The following FOXP2 variants were observed in gnomAD, a reference collection of about 807,000 sequenced individuals.
The protein encoded by FOXP2 is forkhead box P2.
In FOXP2, 12 loss-of-function variants were observed where a neutral mutation model predicts 115.8. The ratio of observed to expected loss-of-function variants is 0.10; its 90% CI spans 0.07 to 0.17. The LOEUF (loss-of-function observed/expected upper bound fraction) is 0.17. FOXP2 is among the 10% of genes least tolerant of loss of function. The probability of loss-of-function intolerance (pLI) is 1.00; values close to 1 mark genes in which losing one functional copy is unlikely to be tolerated. For synonymous variants in FOXP2, 328 were observed against 297.7 expected, an observed-to-expected ratio of 1.10 and a Z score of -1.05; for missense variants, 629 against 843.5, an observed-to-expected ratio of 0.75 and a Z score of 3.15.
intron 2 of FOXP2, among the ~76,000 whole-genome samples, chr7:114,507,347 C>T (rs1021750384): frequency 6.6e-6 from 1 of 151,796 alleles, no homozygotes; most frequent in Non-Finnish European, 1.5e-5. Context: ...GTTGCAATGA[C>T]AACTACTTAT....
chr7:114,359,508 G>A (rs1346175804), intron 2 of FOXP2, among the ~76,000 whole-genome samples: 2 of 152,176 alleles, frequency 1.3e-5, no homozygotes, highest in Admixed American at 6.5e-5. Context: ...TGTACCATGG[G>A]CCTGGAAAAG....
intron 1 of FOXP2, among the ~76,000 whole-genome samples, chr7:114,102,578 C>A (rs71571195): frequency 0.013 from 2,025 of 151,032 alleles, 22 homozygotes; most frequent in Non-Finnish European, 0.021. Context: ...GATTTTTATT[C>A]AACCATTTAA....
chr7:114,129,273 G>A (rs1791807535), intron 1 of FOXP2, among the ~76,000 whole-genome samples: 2 of 152,178 alleles, frequency 1.3e-5, no homozygotes, highest in South Asian at 4.1e-4. Context: ...TTAACTGCAA[G>A]TTCTGTGTTT....
At chr7:114,674,714 ATCTT>A (rs374562080) in intron 16 of FOXP2, among the ~76,000 whole-genome samples, 27 of 152,282 alleles carry the variant, frequency 1.8e-4, no homozygotes, top group African/African-American at 6.3e-4. Context: ...TTAATTGGAC[ATCTT>A]TCTTATTCAG....
intron 2 of FOXP2, among the ~76,000 whole-genome samples, chr7:114,337,124 G>C (rs1340643731): frequency 6.6e-6 from 1 of 151,492 alleles, no homozygotes; most frequent in Non-Finnish European, 1.5e-5. Flanking sequence ...TTGCACAAAG[G>C]CTGGCTTTTA....
chr7:114,492,662 G>T (rs559374362), intron 2 of FOXP2, among the ~76,000 whole-genome samples: 70 of 152,056 alleles, frequency 4.6e-4, no homozygotes, highest in Non-Finnish European at 9.6e-4. Context: ...CCTTCATTTC[G>T]TTATGTACCC....
intron 1 of FOXP2, among the ~76,000 whole-genome samples, chr7:114,146,498 T>C (rs1409987094): frequency 6.6e-6 from 1 of 152,020 alleles, no homozygotes; most frequent in African/African-American, 2.4e-5. Flanking sequence ...AATGGTAGAT[T>C]GAGGAGGATG....
rs531985252 is a variant in FOXP2, at chr7:114,220,059, C to T, written c.-102+56971C>T. 7.6e-4 allele frequency among the ~76,000 whole-genome samples: 112 copies of T among 147,642 alleles called. 1 individual carries two copies. Among genetic ancestry groups the T allele is most frequent in the Admixed American group, 2.8e-3 (42 of 14,764 alleles). On this transcript the variant is annotated intron_variant, in intron 1 of 17. Transcript: ENST00000634411. Reference sequence around the variant, plus strand: ...TTTTTTTTTTTTTTTTCAGTAGAGACGGGGTTTCACCATGTTGGCCAGGAT... The same window carrying T: ...TTTTTTTTTTTTTTTTCAGTAGAGATGGGGTTTCACCATGTTGGCCAGGAT...
chr7:114,620,018 C>T (rs758271582), intron 3 of FOXP2, among the ~76,000 whole-genome samples: 1 of 151,960 alleles, frequency 6.6e-6, no homozygotes, highest in Non-Finnish European at 1.5e-5. Flanking sequence ...AGAAAACTGT[C>T]TCTGATACAC....
At chr7:114,267,954 T>A (rs1795938021) in intron 1 of FOXP2, among the ~76,000 whole-genome samples, 3 of 151,942 alleles carry the variant, frequency 2.0e-5, no homozygotes, top group Admixed American at 2.0e-4. Context: ...AATAATATAC[T>A]TCTCATTTCC....
At chr7:114,110,994 T>C (rs1562967396) in intron 1 of FOXP2, among the ~76,000 whole-genome samples, 4 of 152,074 alleles carry the variant, frequency 2.6e-5, no homozygotes, top group Admixed American at 1.3e-4. Context: ...CTTAAAAAAA[T>C]AAGGTGTGGA....
At chr7:114,129,721 C>A (rs950143553) in intron 1 of FOXP2, among the ~76,000 whole-genome samples, 9 of 152,118 alleles carry the variant, frequency 5.9e-5, no homozygotes, top group African/African-American at 2.2e-4. Flanking sequence ...TATAAATTAA[C>A]CCTGTTTTGC....
chr7:114,544,334 C>G (rs1219616873), intron 3 of FOXP2, among the ~76,000 whole-genome samples: 1 of 152,074 alleles, frequency 6.6e-6, no homozygotes, highest in Admixed American at 6.6e-5. Context: ...AGTTAGAGAG[C>G]CTCTGTCTAA....
chr7:114,244,036 C>T (rs755609965), intron 1 of FOXP2, among the ~76,000 whole-genome samples: 1 of 151,436 alleles, frequency 6.6e-6, no homozygotes, highest in African/African-American at 2.4e-5. Context: ...TTCTTTGGCT[C>T]TAGAATGTTT....
intron 1 of FOXP2, among the ~76,000 whole-genome samples, chr7:114,233,101 T>G (rs927193085): frequency 1.5e-4 from 23 of 152,154 alleles, no homozygotes; most frequent in Non-Finnish European, 8.8e-5. Flanking sequence ...AAAAATTGTG[T>G]TTGTTGTTAA....
At chr7:114,675,996 G>T (rs1054707022) in intron 16 of FOXP2, among the ~76,000 whole-genome samples, 1 of 150,708 alleles carries the variant, frequency 6.6e-6, no homozygotes, top group Admixed American at 6.6e-5. Flanking sequence ...TGCAAGCTCC[G>T]CCTCCCCAGT....
chr7:114,413,511 T>TG (rs1793219254), upstream of FOXP2, among the ~76,000 whole-genome samples: 1 of 152,092 alleles, frequency 6.6e-6, no homozygotes, highest in Non-Finnish European at 1.5e-5. Flanking sequence ...TTTTAATGAG[T>TG]GAATTATTTA....
chr7:114,577,720 T>A (rs542752007), intron 3 of FOXP2, among the ~76,000 whole-genome samples: 1 of 152,064 alleles, frequency 6.6e-6, no homozygotes, highest in Admixed American at 6.5e-5. Context: ...AGAATTCTAG[T>A]TATAACGTTA....
intron 2 of FOXP2, among the ~76,000 whole-genome samples, chr7:114,294,563 G>A (rs1796688785): frequency 6.6e-6 from 1 of 152,098 alleles, no homozygotes; most frequent in Admixed American, 6.6e-5. Flanking sequence ...ATTCTCAGCT[G>A]GGTGTGGTGG....
Sources: allele counts gnomAD v4.1 joint callset (sites outside exome capture counted in the v4.1 genomes callset), GRCh38; gene constraint gnomAD v4.1.1; transcripts MANE v1.5; gene names NCBI Gene and HGNC (gene_info 2026-07-23, HGNC 2026-07-21).